SLC24A4: variants seen among roughly 807,000 people sequenced by gnomAD.
SLC24A4 encodes sodium/potassium/calcium exchanger 4.
Under a neutral mutation model 79.0 loss-of-function variants are expected in SLC24A4, and 53 were observed. The observed-to-expected ratio is 0.67, with a 90% confidence interval of 0.54 to 0.84. The LOEUF (loss-of-function observed/expected upper bound fraction) is 0.84, where lower values mean the gene tolerates loss of function less well. Ranked by LOEUF, SLC24A4 falls within the 40% of genes least tolerant of loss-of-function variation. The probability of loss-of-function intolerance (pLI) is 0.00; values close to 1 mark genes in which losing one functional copy is unlikely to be tolerated. For synonymous variants in SLC24A4, 323 were observed against 323.8 expected, an observed-to-expected ratio of 1.00 and a Z score of 0.03; for missense variants, 731 against 822.0, an observed-to-expected ratio of 0.89 and a Z score of 1.35.
chr14:92,396,778 C>A (rs1889804615), intron 2 of SLC24A4, among the ~76,000 whole-genome samples: 2 of 152,142 alleles, frequency 1.3e-5, no homozygotes, highest in Admixed American at 6.5e-5. Flanking sequence ...AGTCCGCATC[C>A]TTTTTGTGTT....
At chr14:92,479,254 T>C (rs1460008657) in intron 12 of SLC24A4, among the ~76,000 whole-genome samples, 1 of 152,224 alleles carries the variant, frequency 6.6e-6, no homozygotes, top group Non-Finnish European at 1.5e-5. Context: ...GACATCTTCA[T>C]CTTGTTTCTG....
intron 2 of SLC24A4, among the ~76,000 whole-genome samples, chr14:92,392,472 C>T (rs747031240): frequency 4.0e-5 from 6 of 151,894 alleles, no homozygotes; most frequent in Non-Finnish European, 8.8e-5. Context: ...GGCTGTTCTC[C>T]TCGAGGTATG....
intron 2 of SLC24A4, among the ~76,000 whole-genome samples, chr14:92,363,958 A>G (rs960283632): frequency 3.3e-5 from 5 of 151,930 alleles, no homozygotes; most frequent in African/African-American, 9.7e-5. Flanking sequence ...GACCCACACA[A>G]TGCCTCCTGA....
intron 12 of SLC24A4, 42 bp from the exon 13 acceptor site, chr14:92,482,638 T>G (rs745857469): frequency 2.6e-6 from 4 of 1,549,050 alleles, no homozygotes; most frequent in Non-Finnish European, 3.5e-6. Flanking sequence ...CCCAGTGTCT[T>G]TCTCTCCCCC....
chr14:92,443,317 C>A, intron 6 of SLC24A4, 83 bp from the exon 7 acceptor site: 1 of 1,330,090 alleles, frequency 7.5e-7, no homozygotes, highest in Non-Finnish European at 1.1e-6. Flanking sequence ...ATGCCCTGCA[C>A]TGCGGGGGGA....
chr14:92,379,912 C>T (rs1272783982), intron 2 of SLC24A4, among the ~76,000 whole-genome samples: 1 of 152,234 alleles, frequency 6.6e-6, no homozygotes, highest in Non-Finnish European at 1.5e-5. Context: ...CCTCTCCCCT[C>T]TCCACCCTCA....
chr14:92,343,653 T>C (rs10151874), intron 2 of SLC24A4, among the ~76,000 whole-genome samples: 2,635 of 31,808 alleles, frequency 0.083, 330 homozygotes, highest in Middle Eastern at 0.15. Flanking sequence ...TCTTTCCTTC[T>C]TTCCTTCCTT....
intron 2 of SLC24A4, among the ~76,000 whole-genome samples, chr14:92,359,239 A>G (rs1307763721): frequency 1.3e-5 from 2 of 151,850 alleles, no homozygotes; most frequent in African/African-American, 2.4e-5. Context: ...CCCAACCCCA[A>G]TCCACTCTTA....
chr14:92,414,261 C>T (rs547529505), intron 2 of SLC24A4, among the ~76,000 whole-genome samples: 1 of 152,110 alleles, frequency 6.6e-6, no homozygotes, highest in Non-Finnish European at 1.5e-5. Context: ...GCCAGTAGCA[C>T]CCCTCCCCCG....
intron 2 of SLC24A4, among the ~76,000 whole-genome samples, chr14:92,423,397 G>C (rs575468983): frequency 9.9e-5 from 15 of 152,208 alleles, no homozygotes; most frequent in Admixed American, 4.6e-4. Context: ...TGCCTGCCTC[G>C]GCCTTTCAAA....
At chr14:92,367,620 G>A (rs1461759876) in intron 2 of SLC24A4, among the ~76,000 whole-genome samples, 1 of 152,232 alleles carries the variant, frequency 6.6e-6, no homozygotes, top group Non-Finnish European at 1.5e-5. Flanking sequence ...TGGAAAAAGA[G>A]AGTAGCAAGC....
rs536359091 is a variant in SLC24A4 at position 92,323,915 on chromosome 14, G to A, written c.85G>A (p.Val29Met). ...GCAGCAAGTCGGCTTCGTGTGCGCG[G>A]TGCTGGCCCTGGTGTGCTGTGCGTC... Reference protein sequence around the residue: ...LPQQVGFVCAVLALVCCASGL... With the variant: ...LPQQVGFVCAMLALVCCASGL... The change falls in exon 1 of 17, where the codon GTG becomes ATG. Residue 29 changes from valine (V) to methionine (M), a missense_variant. Coordinates refer to ENST00000532405, the MANE Select transcript of SLC24A4 (RefSeq NM_153646.4). This position sits in a 1 kb window ranked among gnomAD's most constrained non-coding sequence, Gnocchi z 4.9. The A allele has an allele frequency of 5.2e-5, 83 of 1,610,842 alleles. 1 individual carries two copies. In the South Asian group the frequency reaches 8.2e-4, roughly 16 times the overall value.
At chr14:92,332,650 A>G (rs917491446) in intron 2 of SLC24A4, among the ~76,000 whole-genome samples, 8 of 152,208 alleles carry the variant, frequency 5.3e-5, no homozygotes, top group Non-Finnish European at 4.4e-5. Context: ...TCAAGGGTCA[A>G]AGGTACCTCC....
At chr14:92,470,683 C>T (rs4904926) in intron 12 of SLC24A4, among the ~76,000 whole-genome samples, 105,633 of 151,810 alleles carry the variant, frequency 0.7, 38,058 homozygotes, top group Non-Finnish European at 0.8. Flanking sequence ...TTGCACCCAA[C>T]GAGATGGAAG....
chr14:92,467,212 T>C (rs1894175653), intron 12 of SLC24A4, among the ~76,000 whole-genome samples: 1 of 152,234 alleles, frequency 6.6e-6, no homozygotes, highest in Admixed American at 6.5e-5. Context: ...GTTCACCAAG[T>C]GGGATTTATT....
rs763487286 is a variant in SLC24A4, at chr14:92,433,799, A to T, written c.242-113A>T. 3 of 848,348 alleles carry T rather than the reference A, an allele frequency of 3.5e-6. No individual in the cohort carries two copies. In the African/African-American group the frequency reaches 5.0e-5, roughly 14 times the overall value. 52.6% of individuals were successfully genotyped at this position (848,348 alleles called of 1,614,324 possible). A position where few individuals can be genotyped will look rare whatever the true frequency, so the allele number is the denominator to read the frequency against. ...GAAATGGCTGGCCTTCTCTCTGATCAGTCCAAAGCGAGGTGGGCTCTGCAG... is the reference window on the plus strand; with the variant it reads ...GAAATGGCTGGCCTTCTCTCTGATCTGTCCAAAGCGAGGTGGGCTCTGCAG... On this transcript the variant is annotated intron_variant, in intron 2 of 16. Coordinates refer to ENST00000532405, the MANE Select transcript of SLC24A4 (RefSeq NM_153646.4).
intron 10 of SLC24A4, among the ~76,000 whole-genome samples, chr14:92,449,481 T>G (rs1236695810): frequency 6.6e-6 from 1 of 152,082 alleles, no homozygotes; most frequent in African/African-American, 2.4e-5. Flanking sequence ...ACAGCCACGT[T>G]TCTGGGCGCT....
rs1434673215 is a variant in SLC24A4, at chr14:92,495,780, G to A, written c.*2152G>A. On this transcript the variant is annotated 3_prime_UTR_variant, in exon 17 of 17. Transcript: ENST00000532405. ...ACCCCTCCCAGGCCAGCCTCTGTAA[G>A]TTGGCCACACTTGGGGAGTGAGTGT... 4.6e-5 allele frequency: 7 copies of A among 152,262 alleles called. No individual in the cohort carries two copies. Among genetic ancestry groups the A allele is most frequent in the African/African-American group, 1.4e-4 (6 of 41,448 alleles). The allele number at this position is 152,262 out of a possible 1,614,324, so 9.4% of individuals were successfully genotyped here.
At chr14:92,421,981 T>C (rs946675972) in intron 2 of SLC24A4, among the ~76,000 whole-genome samples, 10 of 152,256 alleles carry the variant, frequency 6.6e-5, no homozygotes, top group Non-Finnish European at 1.3e-4. Flanking sequence ...TCCAGTTCTT[T>C]TCATTTGCTG....
Sources: gnomAD v4.1 joint callset for allele counts (sites outside exome capture counted in the v4.1 genomes callset) on GRCh38, gnomAD v4.1.1 for gene constraint, Gnocchi (gnomAD v3.1) non-coding constraint, MANE v1.5 for transcripts, NCBI Gene and HGNC (gene_info 2026-07-23, HGNC 2026-07-21) for gene names.